Variants in CSNK1G2 observed in about 807,000 individuals in gnomAD.
CSNK1G2 encodes the protein casein kinase I isoform gamma-2.
A neutral mutation model predicts 48.0 loss-of-function variants in CSNK1G2; 11 were observed. The ratio of observed to expected loss-of-function variants is 0.23; its 90% confidence interval spans 0.14 to 0.38. The LOEUF is 0.38. Among genes scored for constraint, CSNK1G2 ranks in the 10% least tolerant of loss-of-function variants. The probability of loss-of-function intolerance (pLI) is 1.00; values close to 1 mark genes in which losing one functional copy is unlikely to be tolerated. For synonymous variants in CSNK1G2, 337 were observed against 254.1 expected, an observed-to-expected ratio of 1.33 and a Z score of -3.10; for missense variants, 446 against 595.5, an observed-to-expected ratio of 0.75 and a Z score of 2.61.
intron 1 of CSNK1G2, among the ~76,000 whole-genome samples, chr19:1,946,813 G>C (rs2014581791): frequency 6.6e-6 from 1 of 151,406 alleles, no homozygotes; most frequent in South Asian, 2.1e-4. Context: ...GGGTTTCACT[G>C]TGTTAGCCAG....
rs1244331137 is a variant in CSNK1G2, at chr19:1,978,214, C to T, written c.188-91C>T. The T allele has an allele frequency of 7.4e-7, 1 of 1,347,886 alleles. No homozygotes were observed. Among genetic ancestry groups the T allele is most frequent in the Non-Finnish European group, 1.1e-6 (1 of 944,068 alleles). 83.5% of individuals were successfully genotyped at this position (1,347,886 alleles called of 1,614,324 possible). On this transcript the variant is annotated intron_variant, in intron 2 of 11. Coordinates refer to ENST00000255641, the MANE Select transcript of CSNK1G2 (RefSeq NM_001319.7). The surrounding 1 kb of genome is among the most constrained non-coding windows in gnomAD (Gnocchi z 7.3). ...ATTTGGAGGGTGGTCCTTCAGGGAC[C>T]CCCTCCTGCCTCCTGCCTCGGGGGT...
Position 1,978,759 on chromosome 19 carries a change from CGGGCG to C in CSNK1G2, c.447+24_447+28del, listed in dbSNP as rs759960518. 2.7e-4 allele frequency: 94 copies of C among 348,510 alleles called. No homozygotes were observed. Among genetic ancestry groups the C allele is most frequent in the East Asian group, 9.4e-4 (11 of 11,736 alleles). 21.6% of individuals were successfully genotyped at this position (348,510 alleles called of 1,614,324 possible). On this transcript the variant is annotated intron_variant, in intron 5 of 11. Coordinates refer to ENST00000255641, the MANE Select transcript of CSNK1G2 (RefSeq NM_001319.7). The surrounding 1 kb of genome is among the most constrained non-coding windows in gnomAD (Gnocchi z 7.3). ...TGATCGCCATCCAGCTGGTGCGCGG[CGGGCG>C]GGGCGGGGCGGGGCTCGGAGGGAAG...
At chr19:1,948,024 G>C (rs956691120) in intron 1 of CSNK1G2, among the ~76,000 whole-genome samples, 1 of 152,188 alleles carries the variant, frequency 6.6e-6, no homozygotes, top group Non-Finnish European at 1.5e-5. Context: ...TCCTCTGAAA[G>C]CTTCGTGGGC....
intron 1 of CSNK1G2, among the ~76,000 whole-genome samples, chr19:1,962,907 G>A (rs1464591991): frequency 1.3e-5 from 2 of 152,212 alleles, no homozygotes; most frequent in African/African-American, 2.4e-5. Flanking sequence ...TCCAGCAGCC[G>A]GACGGTGGCT....
chr19:1,965,888 C>T (rs1437138164), intron 1 of CSNK1G2, among the ~76,000 whole-genome samples: 2 of 152,198 alleles, frequency 1.3e-5, no homozygotes, highest in East Asian at 3.9e-4. Flanking sequence ...CCTCCACCTC[C>T]CAGGCTCAAG....
chr19:1,962,121 G>A (rs1391310223), intron 1 of CSNK1G2, among the ~76,000 whole-genome samples: 1 of 152,138 alleles, frequency 6.6e-6, no homozygotes, highest in East Asian at 1.9e-4. Flanking sequence ...CCTGGGGTCA[G>A]GAGTTCAAGA....
chr19:1,963,848 G>T (rs1324428808), intron 1 of CSNK1G2, among the ~76,000 whole-genome samples: 3 of 136,818 alleles, frequency 2.2e-5, no homozygotes, highest in African/African-American at 5.6e-5. Context: ...ACAGAATCTC[G>T]CTCTGTCGCC....
rs556275046 is a variant in CSNK1G2 at position 1,978,107 on chromosome 19, G to C, written c.188-198G>C. Among the ~76,000 whole-genome samples, 24 of 152,244 alleles carry C rather than the reference G, an allele frequency of 1.6e-4. No homozygotes were observed. In the East Asian group the frequency reaches 4.6e-3, roughly 29 times the overall value. On this transcript the variant is annotated intron_variant, in intron 2 of 11. Coordinates refer to ENST00000255641, the MANE Select transcript of CSNK1G2 (RefSeq NM_001319.7). The surrounding 1 kb of genome is among the most constrained non-coding windows in gnomAD (Gnocchi z 7.3). ...GAGGCGGTGACCACACGGGCAGGGT[G>C]CAGGTGTCGGGATGACTTGGCAGGC...
At position 1,950,947 on chromosome 19, in the gene CSNK1G2, C is replaced by T. The variant is rs958755392; in HGVS notation, c.-266+9529C>T. 2.1e-5 allele frequency among the ~76,000 whole-genome samples: 3 copies of T among 146,116 alleles called. 1 individual carries two copies. Among genetic ancestry groups the T allele is most frequent in the African/African-American group, 7.9e-5 (3 of 38,126 alleles). Reference sequence around the variant, plus strand: ...TTCGCCTTGGTGCCCCCCTAGATCCCTGGGTGATCCCCGTGCCCAGTTTTC... The same window carrying T: ...TTCGCCTTGGTGCCCCCCTAGATCCTTGGGTGATCCCCGTGCCCAGTTTTC... On this transcript the variant is annotated intron_variant, in intron 1 of 11. Coordinates refer to ENST00000255641, the MANE Select transcript of CSNK1G2 (RefSeq NM_001319.7).
chr19:1,979,490 T>C lies in CSNK1G2; in HGVS notation c.854-5T>C. On this transcript the variant is annotated splice_region_variant and splice_polypyrimidine_tract_variant and intron_variant, in intron 8 of 11. Transcript: ENST00000255641. ...GCCGAGGCCCCGCTGGCGCTCTCTCTGCAGAGGAGATGGCCACGTACCTGC... is the reference window on the plus strand; with the variant it reads ...GCCGAGGCCCCGCTGGCGCTCTCTCCGCAGAGGAGATGGCCACGTACCTGC... 1 of 1,347,952 alleles carries C rather than the reference T, an allele frequency of 7.4e-7. No individual in the cohort carries two copies. 83.5% of individuals were successfully genotyped at this position (1,347,952 alleles called of 1,614,324 possible). A position where few individuals can be genotyped will look rare whatever the true frequency, so the allele number is the denominator to read the frequency against.
At chr19:1,963,537 T>G (rs1431043994) in intron 1 of CSNK1G2, among the ~76,000 whole-genome samples, 1 of 151,912 alleles carries the variant, frequency 6.6e-6, no homozygotes, top group Non-Finnish European at 1.5e-5. Context: ...AGGCAGTGTC[T>G]CGCTGTATCA....
intron 2 of CSNK1G2, among the ~76,000 whole-genome samples, chr19:1,976,641 A>C (rs4807189): frequency 0.56 from 85,339 of 152,080 alleles, 27,235 homozygotes; most frequent in African/African-American, 0.87. Context: ...TGGGACTTTG[A>C]ATCCACCTTA....
intron 2 of CSNK1G2, among the ~76,000 whole-genome samples, chr19:1,971,192 G>C (rs1017497950): frequency 6.6e-6 from 1 of 152,256 alleles, no homozygotes; most frequent in African/African-American, 2.4e-5. Context: ...TCTCCCAGGC[G>C]AGGGCAGCTG....
At chr19:1,960,504 C>T (rs956750464) in intron 1 of CSNK1G2, among the ~76,000 whole-genome samples, 9 of 152,200 alleles carry the variant, frequency 5.9e-5, no homozygotes, top group Non-Finnish European at 8.8e-5. Flanking sequence ...GGCTCTGACA[C>T]GCTGCCGTGT....
intron 2 of CSNK1G2, among the ~76,000 whole-genome samples, chr19:1,970,357 C>T (rs945433218): frequency 4.6e-5 from 7 of 152,344 alleles, no homozygotes; most frequent in African/African-American, 1.2e-4. Context: ...TTGGCCAGCC[C>T]GGAGCTGGCG....
At position 1,950,603 on chromosome 19, in the gene CSNK1G2, G is replaced by A. The variant is rs1314576520; in HGVS notation, c.-266+9185G>A. ...TGTCTGAGGCCTCTGGGAGACAGGA[G>A]GGGGTGCACTTAGAAACAGCCAAGG... On this transcript the variant is annotated intron_variant, in intron 1 of 11. Coordinates refer to ENST00000255641, the MANE Select transcript of CSNK1G2 (RefSeq NM_001319.7). 2.7e-5 allele frequency among the ~76,000 whole-genome samples: 4 copies of A among 146,482 alleles called. No individual in the cohort carries two copies. The East Asian group carries it at 8.4e-4, about 31-fold the overall frequency.
At chr19:1,967,261 G>A (rs1378630590) in intron 1 of CSNK1G2, among the ~76,000 whole-genome samples, 2 of 152,160 alleles carry the variant, frequency 1.3e-5, no homozygotes, top group African/African-American at 2.4e-5. Context: ...CGTTTCTGAT[G>A]TGGCTTACTC....
chr19:1,951,725 G>C (rs1471512841), intron 1 of CSNK1G2, among the ~76,000 whole-genome samples: 1 of 144,584 alleles, frequency 6.9e-6, no homozygotes, highest in Admixed American at 6.9e-5. Flanking sequence ...GTGTCGCCCA[G>C]GCTGGAGTGC....
intron 1 of CSNK1G2, among the ~76,000 whole-genome samples, chr19:1,943,720 A>ACGGAAGCTGAGCTTAGGGACAGC (rs1163457036): frequency 2.0e-5 from 3 of 152,170 alleles, no homozygotes; most frequent in Non-Finnish European, 4.4e-5. Flanking sequence ...ACTGGGACGG[A>ACGGAAGCTGAGCTTAGGGACAGC]CGGAAGCTGA....
Sources: allele counts gnomAD v4.1 joint callset (sites outside exome capture counted in the v4.1 genomes callset), GRCh38; gene constraint gnomAD v4.1.1; non-coding constraint Gnocchi (gnomAD v3.1); transcripts MANE v1.5; gene names NCBI Gene and HGNC (gene_info 2026-07-23, HGNC 2026-07-21).